Variants in DENND1A observed in about 807,000 individuals in gnomAD.
DENND1A encodes the protein DENN domain-containing protein 1A.
In DENND1A, 51 loss-of-function variants were observed where a neutral mutation model predicts 113.7. The ratio of observed to expected loss-of-function variants is 0.45; its 90% confidence interval spans 0.36 to 0.57. The LOEUF (loss-of-function observed/expected upper bound fraction) is 0.57, where lower values mean the gene tolerates loss of function less well. DENND1A is among the 20% of genes least tolerant of loss of function. DENND1A has a pLI of 0.00. For missense variants in DENND1A, 1,258 were observed against 1,395.9 expected (o/e 0.90, Z 1.57); for synonymous variants, 565 against 570.8 (o/e 0.99, Z 0.14).
At chr9:123,609,413 G>A in intron 11 of DENND1A, 23 bp downstream of exon 11, 1 of 1,612,434 alleles carries the variant, frequency 6.2e-7, no homozygotes. Flanking sequence ...AGAGCCATCT[G>A]GGGAGGAAAG....
intron 9 of DENND1A, among the ~76,000 whole-genome samples, chr9:123,639,366 G>C (rs2061900258): frequency 6.7e-6 from 1 of 149,490 alleles, no homozygotes. Context: ...TTGAACCCGA[G>C]AGGCAGATGT....
At chr9:123,509,020 G>A (rs1428841463) in intron 13 of DENND1A, among the ~76,000 whole-genome samples, 1 of 152,122 alleles carries the variant, frequency 6.6e-6, no homozygotes, top group Non-Finnish European at 1.5e-5. Flanking sequence ...GCACCGTGAA[G>A]GAATGGAACA....
intron 2 of DENND1A, among the ~76,000 whole-genome samples, chr9:123,824,772 T>A (rs906677408): frequency 6.6e-6 from 1 of 152,176 alleles, no homozygotes; most frequent in African/African-American, 2.4e-5. Context: ...ATTAAATGAT[T>A]AGAAAATAAA....
At chr9:123,485,378 T>G (rs1192423120) in intron 13 of DENND1A, among the ~76,000 whole-genome samples, 2 of 152,184 alleles carry the variant, frequency 1.3e-5, no homozygotes, top group Non-Finnish European at 2.9e-5. Context: ...AAGAGGAAAC[T>G]CTCTCTATGG....
At chr9:123,487,442 C>A (rs544187619) in intron 13 of DENND1A, among the ~76,000 whole-genome samples, 1 of 152,124 alleles carries the variant, frequency 6.6e-6, no homozygotes, top group African/African-American at 2.4e-5. Flanking sequence ...CTTTTAGTTA[C>A]GAGCCAAGGT....
intron 3 of DENND1A, among the ~76,000 whole-genome samples, chr9:123,784,982 C>T (rs1029472589): frequency 2.6e-5 from 4 of 152,124 alleles, no homozygotes; most frequent in African/African-American, 9.7e-5. Flanking sequence ...CCATCCCATT[C>T]TTAAATTCAC....
intron 11 of DENND1A, among the ~76,000 whole-genome samples, chr9:123,595,034 T>C (rs2059621642): frequency 6.6e-6 from 1 of 152,166 alleles, no homozygotes; most frequent in Admixed American, 6.5e-5. Context: ...TGCCAAGCAG[T>C]TGATGAACGC....
intron 6 of DENND1A, among the ~76,000 whole-genome samples, chr9:123,671,615 C>T (rs903757753): frequency 2.6e-5 from 4 of 152,120 alleles, no homozygotes; most frequent in African/African-American, 9.7e-5. Context: ...CTACCATGAC[C>T]GCCTTTTATG....
chr9:123,722,342 T>C (rs1333027870), intron 5 of DENND1A, among the ~76,000 whole-genome samples: 2 of 152,174 alleles, frequency 1.3e-5, no homozygotes, highest in Non-Finnish European at 2.9e-5. Context: ...TTTGAAAAAT[T>C]TGCAGCCTGA....
chr9:123,781,850 A>C (rs1831368543), intron 3 of DENND1A, among the ~76,000 whole-genome samples: 3 of 152,162 alleles, frequency 2.0e-5, no homozygotes, highest in Admixed American at 6.6e-5. Flanking sequence ...TGGGTGGATC[A>C]CCTGAGGTCA....
At chr9:123,781,873 C>A (rs1831371116) in intron 3 of DENND1A, among the ~76,000 whole-genome samples, 1 of 152,104 alleles carries the variant, frequency 6.6e-6, no homozygotes, top group Non-Finnish European at 1.5e-5. Context: ...AGTTCAAGAC[C>A]TGTCTGGGCA....
intron 23 of DENND1A, among the ~76,000 whole-genome samples, chr9:123,382,916 T>A (rs2042356913): frequency 6.6e-6 from 1 of 151,764 alleles, no homozygotes; most frequent in Admixed American, 6.5e-5. Context: ...CGGCTGGCCC[T>A]TTTTACTTTT....
At chr9:123,762,764 A>G (rs2071147230) in intron 4 of DENND1A, among the ~76,000 whole-genome samples, 1 of 152,250 alleles carries the variant, frequency 6.6e-6, no homozygotes, top group Non-Finnish European at 1.5e-5. Flanking sequence ...ATAGAGGAAA[A>G]TGGAAGGGAA....
At chr9:123,848,244 A>C (rs1162572441) in intron 2 of DENND1A, among the ~76,000 whole-genome samples, 12 of 151,112 alleles carry the variant, frequency 7.9e-5, no homozygotes, top group Middle Eastern at 3.4e-3. Context: ...AAAAAAAAAA[A>C]AAAAAAAAAA....
At chr9:123,513,833 TC>T (rs1237982259) in intron 13 of DENND1A, among the ~76,000 whole-genome samples, 2 of 152,210 alleles carry the variant, frequency 1.3e-5, no homozygotes, top group African/African-American at 2.4e-5. Flanking sequence ...TTTGATCATG[TC>T]CTGCACTGCC....
chr9:123,737,611 G>A (rs576512424), intron 5 of DENND1A, among the ~76,000 whole-genome samples: 4 of 152,116 alleles, frequency 2.6e-5, no homozygotes, highest in South Asian at 2.1e-4. Flanking sequence ...CACATTCCTC[G>A]ATCTTTAAAA....
At chr9:123,842,690 A>G (rs1272899518) in intron 2 of DENND1A, among the ~76,000 whole-genome samples, 1 of 152,254 alleles carries the variant, frequency 6.6e-6, no homozygotes, top group Non-Finnish European at 1.5e-5. Flanking sequence ...TCTACCAAAC[A>G]TTTAAAGAAG....
chr9:123,729,624 G>A (rs935943295), intron 5 of DENND1A, among the ~76,000 whole-genome samples: 8 of 152,178 alleles, frequency 5.3e-5, no homozygotes, highest in African/African-American at 1.7e-4. Context: ...ACAAACAAAT[G>A]GAAGAACATT....
intron 1 of DENND1A, among the ~76,000 whole-genome samples, chr9:123,902,958 T>G (rs1851951447): frequency 6.6e-6 from 1 of 151,818 alleles, no homozygotes; most frequent in South Asian, 2.1e-4. Flanking sequence ...CAAAAAAGAA[T>G]AGTATAACAT....
Sources: gnomAD v4.1 joint callset for allele counts (sites outside exome capture counted in the v4.1 genomes callset) on GRCh38, gnomAD v4.1.1 for gene constraint, MANE v1.5 for transcripts, NCBI Gene and HGNC (gene_info 2026-07-23, HGNC 2026-07-21) for gene names.